Variants in SDK1 observed in about 807,000 individuals in gnomAD.
SDK1 encodes protein sidekick-1.
Under a neutral mutation model 245.5 loss-of-function variants are expected in SDK1, and 157 were observed. That is an observed-to-expected ratio of 0.64 (90% confidence interval 0.56 to 0.73). The LOEUF (loss-of-function observed/expected upper bound fraction) is 0.73, where lower values mean the gene tolerates loss of function less well. Ranked by LOEUF, SDK1 falls within the 30% of genes least tolerant of loss-of-function variation. The pLI, the probability that SDK1 is intolerant of heterozygous loss-of-function variation, is 0.00. For missense variants in SDK1, 3,583 were observed against 3,002.3 expected, an observed-to-expected ratio of 1.19 and a Z score of -4.52; for synonymous variants, 1,647 against 1,278.5, an observed-to-expected ratio of 1.29 and a Z score of -6.15.
intron 44 of SDK1, among the ~76,000 whole-genome samples, chr7:4,261,204 G>T (rs970623207): frequency 6.6e-6 from 1 of 152,116 alleles, no homozygotes; most frequent in Non-Finnish European, 1.5e-5. Flanking sequence ...CCTAGGTGCC[G>T]GACGGTGTCG....
intron 20 of SDK1, among the ~76,000 whole-genome samples, chr7:4,070,370 A>G (rs1163668445): frequency 6.6e-6 from 1 of 152,134 alleles, no homozygotes; most frequent in Non-Finnish European, 1.5e-5. Context: ...AAGACAGGAT[A>G]TATCCAAGGA....
chr7:3,646,354 A>C (rs888912365), intron 4 of SDK1, among the ~76,000 whole-genome samples: 2 of 152,148 alleles, frequency 1.3e-5, no homozygotes, highest in African/African-American at 4.8e-5. Context: ...CAGTAAGTCT[A>C]ATGTTTTCTA....
At chr7:3,736,548 A>G (rs1054991305) in intron 4 of SDK1, among the ~76,000 whole-genome samples, 1 of 152,178 alleles carries the variant, frequency 6.6e-6, no homozygotes, top group Non-Finnish European at 1.5e-5. Context: ...CTGGGATTAC[A>G]GGCGTGAGCC....
Position 4,170,630 on chromosome 7 carries a change from C to T in SDK1, c.4801-3592C>T, listed in dbSNP as rs1040781337. ...TGCATATAATACTGACCGGTGCCCA[C>T]TCCTAGCACAAGGGACTAATTTTTA... is the stretch of plus-strand genomic sequence containing the variant. On this transcript the variant is annotated intron_variant, in intron 32 of 44. Transcript: ENST00000404826. 2.6e-5 allele frequency among the ~76,000 whole-genome samples: 4 copies of T among 152,272 alleles called. No homozygotes were observed. In the South Asian group the frequency reaches 6.2e-4, roughly 24 times the overall value.
chr7:3,890,744 C>A (rs1030819639), intron 5 of SDK1, among the ~76,000 whole-genome samples: 82 of 151,854 alleles, frequency 5.4e-4, no homozygotes, highest in African/African-American at 1.8e-3. Context: ...GAGTTCGAGA[C>A]GAGCCTGGGC....
intron 22 of SDK1, among the ~76,000 whole-genome samples, chr7:4,097,171 G>C (rs1188482211): frequency 6.7e-6 from 1 of 149,110 alleles, no homozygotes; most frequent in African/African-American, 2.5e-5. Flanking sequence ...GCCTGTTCCT[G>C]CCCCACCCCA....
At chr7:4,017,865 G>T (rs984865205) in intron 17 of SDK1, among the ~76,000 whole-genome samples, 1 of 152,180 alleles carries the variant, frequency 6.6e-6, no homozygotes, top group African/African-American at 2.4e-5. Context: ...AACTGCCCCC[G>T]ACCCCTGGAA....
Position 3,886,569 on chromosome 7 carries a change from T to G in SDK1, c.848-64354T>G, listed in dbSNP as rs552971814. 8.9e-4 allele frequency among the ~76,000 whole-genome samples: 135 copies of G among 152,340 alleles called. 1 individual carries two copies. The highest frequency in any genetic ancestry group is 1.6e-3 in the Admixed American group (24 of 15,304). ...GAGTTCACCAGTTGTTCAGTGAGCT[T>G]GGTTTCTGCCTATATTTGGGTTGGG... On this transcript the variant is annotated intron_variant, in intron 5 of 44. Coordinates refer to ENST00000404826, the MANE Select transcript of SDK1 (RefSeq NM_152744.4).
At chr7:3,728,280 CT>C (rs1438056975) in intron 4 of SDK1, among the ~76,000 whole-genome samples, 1 of 152,234 alleles carries the variant, frequency 6.6e-6, no homozygotes, top group Non-Finnish European at 1.5e-5. Flanking sequence ...TTAACTCTAG[CT>C]GTCCTGCAAG....
intron 9 of SDK1, among the ~76,000 whole-genome samples, chr7:3,964,466 A>AT (rs1428951549): frequency 2.6e-5 from 4 of 151,920 alleles, no homozygotes; most frequent in Non-Finnish European, 5.9e-5. Context: ...TTTTTTTCCT[A>AT]TTTTTTACAT....
At chr7:3,312,008 G>A (rs1342963433) in intron 1 of SDK1, among the ~76,000 whole-genome samples, 1 of 152,078 alleles carries the variant, frequency 6.6e-6, no homozygotes, top group African/African-American at 2.4e-5. Context: ...AACCTTGAAG[G>A]GCTTTTCCAT....
In SDK1 at chr7:4,220,141, G is replaced by A. The variant is rs751854430; in HGVS notation, c.5572G>A (p.Gly1858Arg). ...VSKVVTVEVRGNWQRWLKVRD... is the reference protein window; with the variant it reads ...VSKVVTVEVRRNWQRWLKVRD... ...CAAGGTGGTGACCGTGGAAGTGAGA[G>A]GGAACTGGCAGCGCTGGCTGAAGGT... The change falls in exon 39 of 45, where the codon GGG (glycine) becomes AGG (arginine). Residue 1858 changes from glycine (G) to arginine (R), a missense_variant. Gly to Arg is a moderately radical substitution (Grantham distance 125). Transcript: ENST00000404826. The A allele has an allele frequency of 6.2e-7, 1 of 1,614,084 alleles. No individual in the cohort carries two copies. The highest frequency in any genetic ancestry group is 1.3e-5 in the African/African-American group (1 of 75,028).
chr7:3,657,930 T>C (rs1783239998), intron 4 of SDK1, among the ~76,000 whole-genome samples: 3 of 152,224 alleles, frequency 2.0e-5, no homozygotes, highest in African/African-American at 7.2e-5. Flanking sequence ...ATTTGAATGA[T>C]ACCTTTGTCA....
At chr7:4,173,417 C>T (rs770809149) in intron 32 of SDK1, among the ~76,000 whole-genome samples, 11 of 152,170 alleles carry the variant, frequency 7.2e-5, no homozygotes, top group Non-Finnish European at 1.5e-4. Context: ...GCAAGCCTTG[C>T]GCTGGGTCTC....
intron 4 of SDK1, among the ~76,000 whole-genome samples, chr7:3,656,941 GT>G (rs1462574790): frequency 6.6e-6 from 1 of 151,828 alleles, no homozygotes; most frequent in Non-Finnish European, 1.5e-5. Flanking sequence ...TAGAGACGGG[GT>G]TTCACCTTGT....
chr7:3,791,189 T>C (rs1471332252), intron 4 of SDK1, among the ~76,000 whole-genome samples: 4 of 151,928 alleles, frequency 2.6e-5, no homozygotes, highest in Non-Finnish European at 4.4e-5. Flanking sequence ...CCTGTACCAT[T>C]AAGGGCTGAG....
chr7:3,770,611 G>C (rs1163202803), intron 4 of SDK1, among the ~76,000 whole-genome samples: 1 of 152,186 alleles, frequency 6.6e-6, no homozygotes, highest in South Asian at 2.1e-4. Context: ...CTGGGCACTT[G>C]TTGTGGAGAG....
At chr7:3,673,340 T>C (rs960022821) in intron 4 of SDK1, among the ~76,000 whole-genome samples, 7 of 152,190 alleles carry the variant, frequency 4.6e-5, no homozygotes, top group African/African-American at 1.7e-4. Flanking sequence ...ACAGTGTCAA[T>C]AGAGACAAAA....
intron 23 of SDK1, among the ~76,000 whole-genome samples, chr7:4,111,188 A>G (rs1783316927): frequency 6.6e-6 from 1 of 152,242 alleles, no homozygotes; most frequent in African/African-American, 2.4e-5. Flanking sequence ...AGCAGGGCCC[A>G]GGAGCTGCTA....
Sources: allele counts gnomAD v4.1 joint callset (sites outside exome capture counted in the v4.1 genomes callset), GRCh38; gene constraint gnomAD v4.1.1; transcripts MANE v1.5; gene names NCBI Gene and HGNC (gene_info 2026-07-23, HGNC 2026-07-21).